GPC5: variants seen among roughly 807,000 people sequenced by gnomAD.
The protein encoded by GPC5 is glypican-5.
In GPC5, 47 loss-of-function variants were observed where a neutral mutation model predicts 53.9. The ratio of observed to expected loss-of-function variants is 0.87; its 90% CI spans 0.69 to 1.11. GPC5 has a LOEUF of 1.11. Ranked by LOEUF, GPC5 falls within the 50% of genes most tolerant of loss-of-function variation. GPC5 has a pLI of 0.00. For synonymous variants in GPC5, 286 were observed against 263.3 expected (o/e 1.09, Z -0.84); for missense variants, 748 against 713.1 (o/e 1.05, Z -0.56).
At chr13:92,848,603 A>G (rs1878686031) in intron 7 of GPC5, among the ~76,000 whole-genome samples, 1 of 152,166 alleles carries the variant, frequency 6.6e-6, no homozygotes, top group African/African-American at 2.4e-5. Flanking sequence ...AGTGACAAAA[A>G]TATATAGACA....
chr13:91,783,186 AGAGGTTGCAGTGAGCT>A (rs1594559441), intron 5 of GPC5, among the ~76,000 whole-genome samples: 1 of 151,998 alleles, frequency 6.6e-6, no homozygotes, highest in East Asian at 2.0e-4. Context: ...CCTGGGAGGC[AGAGGTTGCAGTGAGCT>A]GAGATCGCTC....
chr13:92,174,571 A>C (rs2042095927), intron 7 of GPC5, among the ~76,000 whole-genome samples: 1 of 151,724 alleles, frequency 6.6e-6, no homozygotes, highest in Non-Finnish European at 1.5e-5. Flanking sequence ...AACAACAACA[A>C]AAAAAACAAA....
intron 7 of GPC5, among the ~76,000 whole-genome samples, chr13:92,843,062 A>T (rs189598532): frequency 2.6e-5 from 4 of 152,334 alleles, no homozygotes; most frequent in Admixed American, 2.6e-4. Flanking sequence ...TTGTTCAAGA[A>T]GCAATAAAGA....
chr13:92,836,723 T>G (rs1481517088), intron 7 of GPC5, among the ~76,000 whole-genome samples: 1 of 152,110 alleles, frequency 6.6e-6, no homozygotes, highest in African/African-American at 2.4e-5. Context: ...TATGCCAACT[T>G]AATATTTATG....
At chr13:92,397,853 A>G (rs1875357662) in intron 7 of GPC5, among the ~76,000 whole-genome samples, 1 of 152,184 alleles carries the variant, frequency 6.6e-6, no homozygotes, top group African/African-American at 2.4e-5. Context: ...CAGATGGTTG[A>G]AAGATATTAT....
intron 5 of GPC5, among the ~76,000 whole-genome samples, chr13:91,779,197 G>T (rs745824466): frequency 3.3e-5 from 5 of 152,098 alleles, no homozygotes; most frequent in African/African-American, 7.2e-5. Context: ...TCAATAATGA[G>T]TTAAAATTAG....
At chr13:91,979,128 T>A (rs1451960063) in intron 6 of GPC5, among the ~76,000 whole-genome samples, 1 of 152,034 alleles carries the variant, frequency 6.6e-6, no homozygotes, top group Non-Finnish European at 1.5e-5. Context: ...TAAATAGCCA[T>A]CCAAGCAGAG....
intron 4 of GPC5, among the ~76,000 whole-genome samples, chr13:91,749,877 C>G (rs771476628): frequency 6.6e-6 from 1 of 152,238 alleles, no homozygotes; most frequent in South Asian, 2.1e-4. Flanking sequence ...GTGGCACAGT[C>G]TCAGCTCACT....
At chr13:92,192,361 T>C (rs9560969) in intron 7 of GPC5, among the ~76,000 whole-genome samples, 1,530 of 152,320 alleles carry the variant, frequency 0.01, 19 homozygotes, top group South Asian at 0.044. Context: ...CTCTGTACTT[T>C]CCATTCAATT....
chr13:91,578,213 G>A (rs1175155767), intron 2 of GPC5, among the ~76,000 whole-genome samples: 8 of 152,314 alleles, frequency 5.3e-5, no homozygotes, highest in Non-Finnish European at 4.4e-5. Context: ...CTCCAGTGAA[G>A]GCTTCAAATG....
chr13:92,081,332 C>T (rs1301671196), intron 6 of GPC5, among the ~76,000 whole-genome samples: 1 of 152,128 alleles, frequency 6.6e-6, no homozygotes, highest in Non-Finnish European at 1.5e-5. Flanking sequence ...GAACTCCTGA[C>T]CTCAAGTGAT....
chr13:92,251,932 G>A (rs1433865508), intron 7 of GPC5, among the ~76,000 whole-genome samples: 1 of 152,114 alleles, frequency 6.6e-6, no homozygotes, highest in Non-Finnish European at 1.5e-5. Flanking sequence ...GATAAATGTA[G>A]TTAGAAGCAG....
chr13:92,727,016 T>C (rs1199746438), intron 7 of GPC5, among the ~76,000 whole-genome samples: 3 of 151,516 alleles, frequency 2.0e-5, no homozygotes, highest in Non-Finnish European at 4.4e-5. Flanking sequence ...ATGTTGCCTC[T>C]TAATTTTAGT....
chr13:91,904,474 T>G (rs553456670), intron 5 of GPC5, among the ~76,000 whole-genome samples: 1 of 152,190 alleles, frequency 6.6e-6, no homozygotes, highest in South Asian at 2.1e-4. Context: ...TTAGTCGGTT[T>G]CAGGATTGAT....
intron 2 of GPC5, among the ~76,000 whole-genome samples, chr13:91,453,760 T>C (rs1180529233): frequency 6.6e-6 from 1 of 151,962 alleles, no homozygotes; most frequent in African/African-American, 2.4e-5. Flanking sequence ...AGAAATAAAA[T>C]GAGAGATTCA....
At chr13:91,744,015 A>T (rs1354164316) in intron 4 of GPC5, among the ~76,000 whole-genome samples, 1 of 129,156 alleles carries the variant, frequency 7.7e-6, no homozygotes, top group Non-Finnish European at 1.6e-5. Flanking sequence ...ACCCTCTTTC[A>T]GCAAGATTCT....
chr13:91,581,747 A>G (rs1424788143), intron 2 of GPC5, among the ~76,000 whole-genome samples: 3 of 152,128 alleles, frequency 2.0e-5, no homozygotes, highest in Admixed American at 1.3e-4. Flanking sequence ...CGACTTCTCA[A>G]TCATTAAGAT....
At chr13:92,363,086 G>A (rs1485713827) in intron 7 of GPC5, among the ~76,000 whole-genome samples, 1 of 151,668 alleles carries the variant, frequency 6.6e-6, no homozygotes, top group Non-Finnish European at 1.5e-5. Flanking sequence ...AAGGAAATCT[G>A]AAGAGAGAAT....
At chr13:91,526,344 C>G (rs959585635) in intron 2 of GPC5, among the ~76,000 whole-genome samples, 4 of 152,094 alleles carry the variant, frequency 2.6e-5, no homozygotes, top group Non-Finnish European at 4.4e-5. Flanking sequence ...AAGAAGCTTT[C>G]CCCTTCCTGG....
Sources: allele counts gnomAD v4.1 joint callset (sites outside exome capture counted in the v4.1 genomes callset), GRCh38; gene constraint gnomAD v4.1.1; transcripts MANE v1.5; gene names NCBI Gene and HGNC (gene_info 2026-07-23, HGNC 2026-07-21).